The following ANKRD6 variants were observed in gnomAD, a reference collection of about 807,000 sequenced individuals.
ANKRD6 encodes the protein ankyrin repeat domain 6, also known as ankyrin repeat domain-containing protein 6.
In ANKRD6, 56 loss-of-function variants were observed where a neutral mutation model predicts 82.3. The ratio of observed to expected loss-of-function variants is 0.68; its 90% confidence interval spans 0.55 to 0.85. The LOEUF (loss-of-function observed/expected upper bound fraction) is 0.85, where lower values mean the gene tolerates loss of function less well. Ranked by LOEUF, ANKRD6 falls within the 40% of genes least tolerant of loss-of-function variation. The pLI, the probability that ANKRD6 is intolerant of heterozygous loss-of-function variation, is 0.00. For missense variants in ANKRD6, 852 were observed against 907.6 expected, an observed-to-expected ratio of 0.94 and a Z score of 0.79; for synonymous variants, 347 against 352.1, an observed-to-expected ratio of 0.99 and a Z score of 0.16.
intron 1 of ANKRD6, among the ~76,000 whole-genome samples, chr6:89,469,965 C>T (rs1775262379): frequency 6.6e-6 from 1 of 152,222 alleles, no homozygotes; most frequent in Non-Finnish European, 1.5e-5. Context: ...CTCTCCTTTT[C>T]TCCATAAATG....
intron 1 of ANKRD6, among the ~76,000 whole-genome samples, chr6:89,452,312 T>A (rs977708451): frequency 2.0e-5 from 3 of 152,178 alleles, no homozygotes; most frequent in Admixed American, 6.5e-5. Context: ...GAGAAAACAT[T>A]TTCCCCAAAT....
At chr6:89,438,506 G>A (rs1194328884) in intron 1 of ANKRD6, among the ~76,000 whole-genome samples, 1 of 152,154 alleles carries the variant, frequency 6.6e-6, no homozygotes, top group Non-Finnish European at 1.5e-5. Flanking sequence ...GTCCCTGGCT[G>A]GGCAACTGTT....
At chr6:89,492,953 A>G (rs1778181107) in intron 1 of ANKRD6, among the ~76,000 whole-genome samples, 1 of 152,160 alleles carries the variant, frequency 6.6e-6, no homozygotes, top group African/African-American at 2.4e-5. Context: ...GCCCTTCCCC[A>G]TGCCCCAAAT....
At chr6:89,453,305 C>G (rs1773078995) in intron 1 of ANKRD6, among the ~76,000 whole-genome samples, 1 of 152,174 alleles carries the variant, frequency 6.6e-6, no homozygotes, top group East Asian at 1.9e-4. Context: ...CCCTTTTACT[C>G]TCTGTTATAA....
intron 1 of ANKRD6, among the ~76,000 whole-genome samples, chr6:89,564,767 A>G (rs760716651): frequency 6.6e-6 from 1 of 152,124 alleles, no homozygotes; most frequent in Non-Finnish European, 1.5e-5. Flanking sequence ...GGGCTGTTGT[A>G]CTTGAGACAT....
chr6:89,560,404 G>C (rs1205954755), intron 1 of ANKRD6, among the ~76,000 whole-genome samples: 1 of 152,138 alleles, frequency 6.6e-6, no homozygotes. Flanking sequence ...TCAGATCAGG[G>C]CTCCACCTTT....
chr6:89,531,157 TGCCAGTGCGCGGAAGGTGC>T (rs1183130548), intron 1 of ANKRD6, among the ~76,000 whole-genome samples: 1 of 152,236 alleles, frequency 6.6e-6, no homozygotes, highest in African/African-American at 2.4e-5. Context: ...TGCATCCGCC[TGCCAGTGCGCGGAAGGTGC>T]GCTCCTGTCT....
intron 1 of ANKRD6, among the ~76,000 whole-genome samples, chr6:89,490,942 C>T (rs12174644): frequency 2.6e-5 from 4 of 152,252 alleles, no homozygotes; most frequent in South Asian, 2.1e-4. Context: ...CATCCTGGAT[C>T]GTTTGGGTGA....
At chr6:89,578,286 C>CTTTT (rs71024383) in intron 2 of ANKRD6, among the ~76,000 whole-genome samples, 1 of 119,096 alleles carries the variant, frequency 8.4e-6, no homozygotes, top group African/African-American at 3.3e-5. Context: ...CTCCCGCCTC[C>CTTTT]TTTTTTTTTT....
chr6:89,453,698 G>A (rs1445872174), intron 1 of ANKRD6, among the ~76,000 whole-genome samples: 2 of 151,864 alleles, frequency 1.3e-5, no homozygotes, highest in Non-Finnish European at 2.9e-5. Context: ...TCCTGCCTCG[G>A]CCTGCCGAGT....
intron 13 of ANKRD6, among the ~76,000 whole-genome samples, chr6:89,625,151 C>T (rs1805173307): frequency 6.6e-6 from 1 of 152,012 alleles, no homozygotes. Flanking sequence ...GGTGTGGTGG[C>T]ACACACCTAT....
In ANKRD6 at chr6:89,621,922, G is replaced by C. The variant is rs767593086; in HGVS notation, c.793G>C (p.Val265Leu). 6.2e-7 allele frequency: 1 copy of C among 1,613,918 alleles called. No individual in the cohort carries two copies. The highest frequency in any genetic ancestry group is 1.1e-5 in the South Asian group (1 of 91,082). ...TAACAATGCCGTTTGCCTCCTTCAG[G>C]TCTTGCGCTTCAGTCGTGGGCGAAG... ...VALLLTKAPQ[V>L]LRFSRGRSLR... Residue 265 changes from valine to leucine, a missense_variant and splice_region_variant, in exon 10 of 16, where the codon GTC (valine) becomes CTC (leucine). Physicochemically the swap from Val to Leu is conservative, Grantham distance 32 (BLOSUM62 1). Transcript: ENST00000339746.
At chr6:89,622,660 C>T (rs556233438) in intron 10 of ANKRD6, among the ~76,000 whole-genome samples, 64 of 152,278 alleles carry the variant, frequency 4.2e-4, no homozygotes, top group East Asian at 3.9e-4. Context: ...GAGCAGAGCC[C>T]GAGCTGATTT....
chr6:89,471,359 CAAAA>C (rs568718441), intron 1 of ANKRD6, among the ~76,000 whole-genome samples: 5 of 57,120 alleles, frequency 8.8e-5, no homozygotes, highest in Non-Finnish European at 1.0e-4. Flanking sequence ...ACAACAACAA[CAAAA>C]AAAAAAAAAA....
At chr6:89,462,256 A>ATAATAG (rs1774258968) in intron 1 of ANKRD6, among the ~76,000 whole-genome samples, 1 of 148,452 alleles carries the variant, frequency 6.7e-6, no homozygotes, top group South Asian at 2.1e-4. Flanking sequence ...AATAATAATA[A>ATAATAG]TAATAATAAT....
At chr6:89,602,745 G>GC in intron 3 of ANKRD6, 1 of 415,400 alleles carries the variant, frequency 2.4e-6, no homozygotes, top group Non-Finnish European at 4.5e-6. Context: ...GCAGGAGAGA[G>GC]CCTGACCCTC....
At chr6:89,544,165 C>T (rs1784755939) in intron 1 of ANKRD6, among the ~76,000 whole-genome samples, 1 of 152,218 alleles carries the variant, frequency 6.6e-6, no homozygotes, top group African/African-American at 2.4e-5. Flanking sequence ...ACTACATGCC[C>T]ACTCTTGAGC....
At chr6:89,580,529 G>C (rs185794126) in intron 2 of ANKRD6, among the ~76,000 whole-genome samples, 13 of 152,286 alleles carry the variant, frequency 8.5e-5, no homozygotes, top group Non-Finnish European at 1.6e-4. Flanking sequence ...AAGTCAGTAA[G>C]TGGTATACAT....
At chr6:89,605,486 A>G (rs1798306566) in intron 4 of ANKRD6, among the ~76,000 whole-genome samples, 1 of 152,210 alleles carries the variant, frequency 6.6e-6, no homozygotes, top group Admixed American at 6.5e-5. Context: ...CTTTTGAATT[A>G]AGGTGGGTGA....
Sources: gnomAD v4.1 joint callset for allele counts (sites outside exome capture counted in the v4.1 genomes callset) on GRCh38, gnomAD v4.1.1 for gene constraint, MANE v1.5 for transcripts, NCBI Gene and HGNC (gene_info 2026-07-23, HGNC 2026-07-21) for gene names.